The following SEMA6D variants were observed in gnomAD, a reference collection of about 807,000 sequenced individuals.
SEMA6D encodes the protein semaphorin-6D.
In SEMA6D, 35 loss-of-function variants were observed where a neutral mutation model predicts 106.6. The observed-to-expected ratio is 0.33, with a 90% confidence interval of 0.25 to 0.44. The LOEUF (loss-of-function observed/expected upper bound fraction) is 0.44, where lower values mean the gene tolerates loss of function less well. SEMA6D is among the 20% of genes least tolerant of loss of function. The pLI, the probability that SEMA6D is intolerant of heterozygous loss-of-function variation, is 1.00. For synonymous variants in SEMA6D, 499 were observed against 487.7 expected (o/e 1.02, Z -0.31); for missense variants, 1,185 against 1,345.9 (o/e 0.88, Z 1.87).
chr15:47,522,101 A>G (rs976848831), intron 3 of SEMA6D, among the ~76,000 whole-genome samples: 1 of 152,232 alleles, frequency 6.6e-6, no homozygotes, highest in Non-Finnish European at 1.5e-5. Flanking sequence ...CCACAGGTAA[A>G]TAGCCCAGCT....
At chr15:47,702,260 A>T (rs968054281) in intron 4 of SEMA6D, among the ~76,000 whole-genome samples, 3 of 152,186 alleles carry the variant, frequency 2.0e-5, no homozygotes, top group Non-Finnish European at 4.4e-5. Flanking sequence ...GCAAATAAAC[A>T]TATGAAAAGA....
chr15:47,511,376 C>T (rs2044224681), intron 3 of SEMA6D, among the ~76,000 whole-genome samples: 1 of 152,210 alleles, frequency 6.6e-6, no homozygotes, highest in Non-Finnish European at 1.5e-5. Context: ...AATCATCTAA[C>T]CTAATTCCTT....
chr15:47,426,518 G>A (rs900908325), intron 2 of SEMA6D, among the ~76,000 whole-genome samples: 1 of 152,048 alleles, frequency 6.6e-6, no homozygotes, highest in South Asian at 2.1e-4. Context: ...TTTATATAGG[G>A]AAGGATAGGG....
At chr15:47,766,470 G>T (rs2082344469) in intron 15 of SEMA6D, 146 bp from the exon 16 acceptor site, 1 of 702,438 alleles carries the variant, frequency 1.4e-6, no homozygotes, top group Non-Finnish European at 2.4e-6. Flanking sequence ...AGTCATTTTA[G>T]CAAGTTATGT....
At chr15:47,625,386 T>C (rs1412287517) in intron 4 of SEMA6D, among the ~76,000 whole-genome samples, 1 of 152,204 alleles carries the variant, frequency 6.6e-6, no homozygotes, top group East Asian at 1.9e-4. Flanking sequence ...GTGGTTTAGA[T>C]GGGTGGGCTT....
chr15:47,226,685 G>T (rs1440770435), intron 1 of SEMA6D, among the ~76,000 whole-genome samples: 2 of 152,080 alleles, frequency 1.3e-5, no homozygotes, highest in African/African-American at 4.8e-5. Context: ...GAGGATCAAA[G>T]AACTTGTGAA....
intron 2 of SEMA6D, among the ~76,000 whole-genome samples, chr15:47,454,899 A>G (rs1237093057): frequency 6.6e-6 from 1 of 151,844 alleles, no homozygotes; most frequent in Non-Finnish European, 1.5e-5. Context: ...TCTTGGCTTT[A>G]TGATTTATTA....
In SEMA6D at chr15:47,533,209, T is replaced by C. The variant is rs185085422; in HGVS notation, c.-87+62664T>C. Among the ~76,000 whole-genome samples the C allele has an allele frequency of 1.4e-3, 214 of 152,328 alleles. 1 individual carries two copies. Among genetic ancestry groups the C allele is most frequent in the African/African-American group, 5.0e-3 (207 of 41,578 alleles). On this transcript the variant is annotated intron_variant, in intron 3 of 19. Coordinates refer to the SEMA6D transcript ENST00000558014. ...TGCATCTGTAGATGGTAAGAAATTA[T>C]AATGATTACTTGGGTGAAAATTTTC...
chr15:47,771,336 C>A lies in SEMA6D; in HGVS notation c.2773C>A (p.Arg925=). The change falls in exon 19 of 19, where the codon CGG becomes AGG. Residue 925 remains arginine (R), a synonymous_variant. Transcript: ENST00000536845. ...MSEVPPKVPN[R]EASLYSPPST... ...TGAGGTCCCACCTAAAGTCCCTAACCGGGAGGCATCGCTATACTCCCCTCC... is the reference window on the plus strand; with the variant it reads ...TGAGGTCCCACCTAAAGTCCCTAACAGGGAGGCATCGCTATACTCCCCTCC... 1 of 1,613,952 alleles carries A rather than the reference C, an allele frequency of 6.2e-7. No homozygotes were observed. The highest frequency in any genetic ancestry group is 1.3e-5 in the African/African-American group (1 of 75,000).
At chr15:47,501,718 A>G (rs1325363767) in intron 3 of SEMA6D, among the ~76,000 whole-genome samples, 3 of 152,198 alleles carry the variant, frequency 2.0e-5, no homozygotes, top group African/African-American at 4.8e-5. Context: ...GAGTTCTTTA[A>G]TAAACCATTA....
chr15:47,628,837 C>T (rs2144441014), intron 4 of SEMA6D, among the ~76,000 whole-genome samples: 1 of 152,100 alleles, frequency 6.6e-6, no homozygotes. Context: ...GTTTGGAAAA[C>T]TTTGTCTTAT....
intron 3 of SEMA6D, among the ~76,000 whole-genome samples, chr15:47,487,508 A>G (rs2043332845): frequency 6.6e-6 from 1 of 152,198 alleles, no homozygotes; most frequent in African/African-American, 2.4e-5. Flanking sequence ...GCATATCTAT[A>G]CATGTATGTG....
intron 3 of SEMA6D, among the ~76,000 whole-genome samples, chr15:47,553,249 T>G (rs2045817445): frequency 6.6e-6 from 1 of 151,960 alleles, no homozygotes; most frequent in Admixed American, 6.6e-5. Context: ...CTTTCAAAAG[T>G]TACAGGTGAA....
chr15:47,706,672 T>G (rs1251531434), intron 4 of SEMA6D, among the ~76,000 whole-genome samples: 2 of 152,210 alleles, frequency 1.3e-5, no homozygotes, highest in African/African-American at 4.8e-5. Context: ...TCTCATTTGC[T>G]TTCCTTTTCA....
chr15:47,451,893 A>G (rs944956959), intron 2 of SEMA6D, among the ~76,000 whole-genome samples: 5 of 152,042 alleles, frequency 3.3e-5, no homozygotes, highest in East Asian at 1.9e-4. Context: ...TACATTAAAA[A>G]TGGATACATT....
At chr15:47,544,487 A>T (rs1418632104) in intron 3 of SEMA6D, among the ~76,000 whole-genome samples, 3 of 152,180 alleles carry the variant, frequency 2.0e-5, no homozygotes, top group African/African-American at 7.2e-5. Context: ...TACTGTGGTC[A>T]ATTATATTTT....
intron 2 of SEMA6D, among the ~76,000 whole-genome samples, chr15:47,431,215 C>T (rs1404777085): frequency 1.3e-5 from 2 of 152,048 alleles, no homozygotes; most frequent in African/African-American, 4.8e-5. Context: ...TAAGATTTCT[C>T]TTTGTAATAT....
At chr15:47,487,272 C>T (rs2043324427) in intron 3 of SEMA6D, among the ~76,000 whole-genome samples, 1 of 152,042 alleles carries the variant, frequency 6.6e-6, no homozygotes, top group African/African-American at 2.4e-5. Context: ...AAGAATGATC[C>T]CCTCAAGGAA....
intron 2 of SEMA6D, among the ~76,000 whole-genome samples, chr15:47,431,044 A>G (rs1414565670): frequency 6.6e-6 from 1 of 152,126 alleles, no homozygotes; most frequent in East Asian, 1.9e-4. Context: ...TAGATAAATT[A>G]CACTCTCTTG....
Sources: gnomAD v4.1 joint callset for allele counts (sites outside exome capture counted in the v4.1 genomes callset) on GRCh38, gnomAD v4.1.1 for gene constraint, MANE v1.5 for transcripts, NCBI Gene and HGNC (gene_info 2026-07-23, HGNC 2026-07-21) for gene names.